The following NRXN1 variants were observed in gnomAD, a reference collection of about 807,000 sequenced individuals.
NRXN1 encodes neurexin-1.
A neutral mutation model predicts 150.9 loss-of-function variants in NRXN1; 39 were observed. The observed-to-expected ratio is 0.26, with a 90% CI of 0.20 to 0.34. The LOEUF is 0.34. Among genes scored for constraint, NRXN1 ranks in the 10% least tolerant of loss-of-function variants. NRXN1 has a pLI of 1.00. For missense variants in NRXN1, 1,815 were observed against 1,949.9 expected, an observed-to-expected ratio of 0.93 and a Z score of 1.30; for synonymous variants, 924 against 757.0, an observed-to-expected ratio of 1.22 and a Z score of -3.62.
chr2:50,938,678 G>A (rs1226688597), intron 2 of NRXN1, among the ~76,000 whole-genome samples: 1 of 152,122 alleles, frequency 6.6e-6, no homozygotes, highest in Non-Finnish European at 1.5e-5. Context: ...CATGGCTGAG[G>A]ATGTCTCAAG....
At chr2:50,378,014 T>C (rs1402639182) in intron 17 of NRXN1, among the ~76,000 whole-genome samples, 1 of 152,142 alleles carries the variant, frequency 6.6e-6, no homozygotes, top group Non-Finnish European at 1.5e-5. Context: ...TCTAGGCATC[T>C]GCCAAGAATC....
intron 21 of NRXN1, among the ~76,000 whole-genome samples, chr2:50,033,969 G>GAAAAAAAAAAAAA (rs61264442): frequency 9.1e-6 from 1 of 109,936 alleles, no homozygotes; most frequent in Non-Finnish European, 2.0e-5. Context: ...TTAAAAAGTG[G>GAAAAAAAAAAAAA]AAAAAAAAAA....
At chr2:50,171,415 T>C (rs1259611152) in intron 18 of NRXN1, among the ~76,000 whole-genome samples, 1 of 145,652 alleles carries the variant, frequency 6.9e-6, no homozygotes, top group Non-Finnish European at 1.5e-5. Context: ...TCTCAATTCA[T>C]TTTTAGGCCC....
chr2:50,615,260 A>G (rs975182394), intron 8 of NRXN1: 12 of 152,112 alleles, frequency 7.9e-5, no homozygotes, highest in African/African-American at 2.4e-4. Flanking sequence ...TTTTAGTGGC[A>G]GCATTCTAAG....
intron 10 of NRXN1, among the ~76,000 whole-genome samples, chr2:50,534,328 A>G (rs2093197419): frequency 6.6e-6 from 1 of 152,176 alleles, no homozygotes; most frequent in South Asian, 2.1e-4. Context: ...ATTTATCAAA[A>G]CAGGGGCCTC....
intron 21 of NRXN1, among the ~76,000 whole-genome samples, chr2:50,032,396 A>G (rs1689312530): frequency 6.6e-6 from 1 of 152,080 alleles, no homozygotes; most frequent in South Asian, 2.1e-4. Context: ...ACTAGTTGGG[A>G]AATTGTTTTG....
chr2:50,501,090 T>C (rs891523972), intron 13 of NRXN1, among the ~76,000 whole-genome samples: 3 of 152,126 alleles, frequency 2.0e-5, no homozygotes, highest in African/African-American at 7.2e-5. Flanking sequence ...AAATGTGAAA[T>C]GGAAGAAGAT....
At chr2:50,625,562 G>A (rs925314473) in intron 5 of NRXN1, among the ~76,000 whole-genome samples, 19 of 152,094 alleles carry the variant, frequency 1.2e-4, no homozygotes, top group African/African-American at 3.9e-4. Context: ...TTCCTGTCTC[G>A]GAAAGTTATA....
At chr2:50,576,097 T>C (rs1339428189) in intron 8 of NRXN1, among the ~76,000 whole-genome samples, 1 of 152,146 alleles carries the variant, frequency 6.6e-6, no homozygotes, top group East Asian at 1.9e-4. Flanking sequence ...GCATTTAAAC[T>C]TCACTAGATT....
chr2:50,928,522 T>G (rs1424807311), intron 2 of NRXN1, among the ~76,000 whole-genome samples: 3 of 152,088 alleles, frequency 2.0e-5, no homozygotes, highest in Admixed American at 2.0e-4. Context: ...TCCAGGTATT[T>G]TTTTCCCTTC....
chr2:50,186,939 T>C (rs556555964), intron 18 of NRXN1, among the ~76,000 whole-genome samples: 1 of 152,218 alleles, frequency 6.6e-6, no homozygotes, highest in East Asian at 1.9e-4. Flanking sequence ...GTCTATCCAG[T>C]TTTGTAATAA....
intron 17 of NRXN1, among the ~76,000 whole-genome samples, chr2:50,349,460 G>C (rs571588473): frequency 2.6e-5 from 4 of 152,298 alleles, no homozygotes; most frequent in Middle Eastern, 3.4e-3. Flanking sequence ...CATCCACACA[G>C]TATGTTTTCA....
chr2:50,641,595 C>A (rs1022255934), intron 5 of NRXN1, among the ~76,000 whole-genome samples: 1 of 152,044 alleles, frequency 6.6e-6, no homozygotes, highest in Non-Finnish European at 1.5e-5. Context: ...TTCTTCCCAG[C>A]AATTCCACTG....
intron 13 of NRXN1, among the ~76,000 whole-genome samples, chr2:50,503,501 G>A (rs1477613723): frequency 6.7e-6 from 1 of 150,288 alleles, no homozygotes; most frequent in Non-Finnish European, 1.5e-5. Context: ...GCAATAGTGG[G>A]TCTACAACAA....
At position 50,497,502 on chromosome 2, in the gene NRXN1, C is replaced by T; in HGVS notation, c.2710G>A (p.Ala904Thr). 1 of 1,613,876 alleles carries T rather than the reference C, an allele frequency of 6.2e-7. No homozygotes were observed. Among genetic ancestry groups the T allele is most frequent in the Non-Finnish European group, 8.5e-7 (1 of 1,179,848 alleles). Residue 904 changes from alanine (A) to threonine (T), a missense_variant, in exon 14 of 23, where the codon GCA becomes ACA. Ala to Thr is a moderately conservative substitution (Grantham distance 58, BLOSUM62 0). Around this residue, in one of 6 missense-constraint regions of NRXN1, gnomAD observed 339 missense variants for 440.3 expected, o/e 0.77. Transcript: ENST00000401669. ...NARFGFRNII[A>T]DPVTFKTKSS... is the part of the protein sequence containing the mutation. ...TTGGTCTTGAAGGTGACAGGATCTG[C>T]TATGATGTTCCTGAAGCCAAATCTG...
chr2:50,754,492 A>C (rs1432440113), intron 5 of NRXN1, among the ~76,000 whole-genome samples: 1 of 151,882 alleles, frequency 6.6e-6, no homozygotes, highest in African/African-American at 2.4e-5. Context: ...GTAAATTATC[A>C]GTAAAATTTC....
chr2:50,512,217 T>G (rs1426126164), intron 12 of NRXN1, among the ~76,000 whole-genome samples: 1 of 152,194 alleles, frequency 6.6e-6, no homozygotes, highest in Non-Finnish European at 1.5e-5. Context: ...TTTTTATTAT[T>G]ACTGTTACTA....
At chr2:50,795,959 C>A (rs922249034) in intron 5 of NRXN1, among the ~76,000 whole-genome samples, 2 of 151,978 alleles carry the variant, frequency 1.3e-5, no homozygotes, top group Non-Finnish European at 2.9e-5. Context: ...TATTTCATCA[C>A]GCAATGACCC....
At chr2:50,317,353 G>A (rs1333317731) in intron 17 of NRXN1, among the ~76,000 whole-genome samples, 1 of 151,826 alleles carries the variant, frequency 6.6e-6, no homozygotes, top group Non-Finnish European at 1.5e-5. Context: ...TGCAAGGAAA[G>A]AGATCTTTAA....
Sources: allele counts gnomAD v4.1 joint callset (sites outside exome capture counted in the v4.1 genomes callset), GRCh38; gene constraint gnomAD v4.1.1; regional missense constraint gnomAD v4.1.1; transcripts MANE v1.5; gene names NCBI Gene and HGNC (gene_info 2026-07-23, HGNC 2026-07-21).